Variants in SELENOF observed in about 807,000 individuals in gnomAD.
The protein encoded by SELENOF is 15 kDa selenoprotein.
Under a neutral mutation model 20.5 loss-of-function variants are expected in SELENOF, and 16 were observed. The ratio of observed to expected loss-of-function variants is 0.78; its 90% confidence interval spans 0.53 to 1.19. The LOEUF is 1.19. SELENOF is among the 50% of genes most tolerant of loss of function. SELENOF has a pLI of 0.00. For synonymous variants in SELENOF, 78 were observed against 74.5 expected (o/e 1.05, Z -0.24); for missense variants, 215 against 194.2 (o/e 1.11, Z -0.64).
At chr1:86,883,393 G>GC (rs779781452) in intron 2 of SELENOF, among the ~76,000 whole-genome samples, 11 of 152,012 alleles carry the variant, frequency 7.2e-5, no homozygotes, top group Non-Finnish European at 1.5e-4. Flanking sequence ...TGTACTTAAT[G>GC]CCATAGCACT....
At chr1:86,891,909 A>C (rs1230769941) in intron 2 of SELENOF, among the ~76,000 whole-genome samples, 1 of 150,788 alleles carries the variant, frequency 6.6e-6, no homozygotes. Context: ...TTATTATTAA[A>C]TAAACATTTA....
upstream of SELENOF, chr1:86,914,149 G>T (rs1189764112): frequency 6.3e-7 from 1 of 1,585,208 alleles, no homozygotes; most frequent in Non-Finnish European, 8.7e-7. Flanking sequence ...GGACCCCTAA[G>T]CTAGGGGCGT....
chr1:86,908,700 G>A (rs1659894757), intron 1 of SELENOF, among the ~76,000 whole-genome samples: 1 of 152,160 alleles, frequency 6.6e-6, no homozygotes, highest in African/African-American at 2.4e-5. Flanking sequence ...GGGCATCTCA[G>A]AAAGAATGAT....
chr1:86,906,299 G>C (rs1659825293), intron 1 of SELENOF, among the ~76,000 whole-genome samples: 1 of 152,134 alleles, frequency 6.6e-6, no homozygotes, highest in East Asian at 1.9e-4. Context: ...TTATTTCACA[G>C]GATAATTTGA....
intron 2 of SELENOF, among the ~76,000 whole-genome samples, chr1:86,901,060 T>C (rs2102123254): frequency 6.6e-6 from 1 of 152,272 alleles, no homozygotes; most frequent in East Asian, 1.9e-4. Context: ...ACTTGGCTAA[T>C]TTTTGTATTT....
chr1:86,866,228 C>CTG (rs1382340517), intron 4 of SELENOF, among the ~76,000 whole-genome samples: 218 of 52,388 alleles, frequency 4.2e-3, no homozygotes, highest in African/African-American at 6.9e-3. Context: ...AAGTGTGTGT[C>CTG]TCTGTGTGTG....
chr1:86,887,437 T>C (rs1659249888), intron 2 of SELENOF, among the ~76,000 whole-genome samples: 1 of 152,170 alleles, frequency 6.6e-6, no homozygotes, highest in Non-Finnish European at 1.5e-5. Context: ...GCCTTGAAAC[T>C]GAGAAGAAAA....
chr1:86,900,849 G>T (rs1184987754), intron 2 of SELENOF, among the ~76,000 whole-genome samples: 1 of 152,210 alleles, frequency 6.6e-6, no homozygotes, highest in East Asian at 1.9e-4. Context: ...GACTTTTAAA[G>T]AATTTATGCT....
chr1:86,903,960 A>T (rs998314968), intron 1 of SELENOF, among the ~76,000 whole-genome samples: 13 of 152,234 alleles, frequency 8.5e-5, no homozygotes, highest in Non-Finnish European at 2.9e-5. Flanking sequence ...TTTCTTAAAC[A>T]TCCATCATCT....
intron 1 of SELENOF, among the ~76,000 whole-genome samples, chr1:86,913,461 G>A (rs1452100691): frequency 6.6e-6 from 1 of 152,170 alleles, no homozygotes; most frequent in Non-Finnish European, 1.5e-5. Flanking sequence ...TTATACTTTG[G>A]TATAGATAAC....
chr1:86,872,537 G>GTT (rs34910403), intron 3 of SELENOF, among the ~76,000 whole-genome samples: 16,795 of 138,776 alleles, frequency 0.12, 1,582 homozygotes, highest in African/African-American at 0.26. Context: ...CCCAGCTAAT[G>GTT]TTTTTTTTTT....
chr1:86,904,889 G>A (rs977532806), intron 1 of SELENOF, among the ~76,000 whole-genome samples: 30 of 152,016 alleles, frequency 2.0e-4, no homozygotes, highest in African/African-American at 6.0e-4. Flanking sequence ...AGCTTTACAT[G>A]CCTTCTATTT....
At chr1:86,907,169 C>T (rs111462796) in intron 1 of SELENOF, among the ~76,000 whole-genome samples, 67 of 152,232 alleles carry the variant, frequency 4.4e-4, no homozygotes, top group African/African-American at 1.4e-3. Context: ...TCATTTATCT[C>T]GTGGAATTCT....
intron 2 of SELENOF, among the ~76,000 whole-genome samples, chr1:86,886,323 C>A (rs1659216648): frequency 6.6e-6 from 1 of 151,826 alleles, no homozygotes; most frequent in South Asian, 2.1e-4. Context: ...ATTAATAGGG[C>A]AAAAATTGCA....
intron 2 of SELENOF, among the ~76,000 whole-genome samples, chr1:86,884,622 T>A (rs1003285638): frequency 3.3e-5 from 5 of 152,206 alleles, no homozygotes; most frequent in Non-Finnish European, 5.9e-5. Flanking sequence ...GTTAATTCCC[T>A]GATTTAACCA....
At chr1:86,873,949 T>C (rs1270541020) in intron 3 of SELENOF, among the ~76,000 whole-genome samples, 5 of 152,192 alleles carry the variant, frequency 3.3e-5, no homozygotes. Context: ...ATTCATTTTC[T>C]GATCCATTTA....
intron 4 of SELENOF, 140 bp downstream of exon 4, chr1:86,867,913 T>A (rs1658654073): frequency 7.5e-6 from 3 of 397,756 alleles, no homozygotes; most frequent in Non-Finnish European, 1.3e-5. Flanking sequence ...AAATTATTTT[T>A]CAGTGAAATT....
At chr1:86,876,615 G>T (rs1406261213) in intron 3 of SELENOF, among the ~76,000 whole-genome samples, 1 of 152,174 alleles carries the variant, frequency 6.6e-6, no homozygotes, top group Non-Finnish European at 1.5e-5. Context: ...TTTATGTAAA[G>T]ATATAGATTG....
chr1:86,879,908 C>A (rs946632185), intron 3 of SELENOF, among the ~76,000 whole-genome samples: 8 of 152,122 alleles, frequency 5.3e-5, no homozygotes, highest in African/African-American at 9.7e-5. Flanking sequence ...ATTTCAAATT[C>A]TTTGGCAATT....
Sources: gnomAD v4.1 joint callset for allele counts (sites outside exome capture counted in the v4.1 genomes callset) on GRCh38, gnomAD v4.1.1 for gene constraint, MANE v1.5 for transcripts, NCBI Gene and HGNC (gene_info 2026-07-23, HGNC 2026-07-21) for gene names.